Variants in RSPO2 observed in about 807,000 individuals in gnomAD.
RSPO2 encodes the protein R-spondin 2.
In RSPO2, 14 loss-of-function variants were observed where a neutral mutation model predicts 30.9. That is an observed-to-expected ratio of 0.45 (90% confidence interval 0.30 to 0.71). The LOEUF (loss-of-function observed/expected upper bound fraction) is 0.71, where lower values mean the gene tolerates loss of function less well. Ranked by LOEUF, RSPO2 falls within the 30% of genes least tolerant of loss-of-function variation. The pLI, the probability that RSPO2 is intolerant of heterozygous loss-of-function variation, is 0.08. For missense variants in RSPO2, 264 were observed against 301.9 expected (o/e 0.87, Z 0.93); for synonymous variants, 107 against 96.4 (o/e 1.11, Z -0.64).
rs369829893 is a variant in RSPO2, at chr8:108,015,516, CTG to C, written c.95-26274_95-26273del. On this transcript the variant is annotated intron_variant, in intron 2 of 5. Transcript: ENST00000276659. Reference sequence around the variant, plus strand: ...CCCTCTGCTCTGGACTAGGCCTCAACTGTGACCCCTGTCCTTGTTGGGCCTAC... The same window carrying C: ...CCCTCTGCTCTGGACTAGGCCTCAACTGACCCCTGTCCTTGTTGGGCCTAC... Among the ~76,000 whole-genome samples the C allele has an allele frequency of 7.9e-4, 120 of 152,282 alleles. 5 individuals are homozygous for C. The South Asian group carries it at 0.024, about 31-fold the overall frequency.
At chr8:107,954,972 G>A (rs2130423752) in intron 5 of RSPO2, among the ~76,000 whole-genome samples, 1 of 152,164 alleles carries the variant, frequency 6.6e-6, no homozygotes, top group Admixed American at 6.5e-5. Flanking sequence ...AAATCAGTCT[G>A]CTATATTGGT....
At chr8:107,915,708 T>C (rs1395754540) in intron 5 of RSPO2, among the ~76,000 whole-genome samples, 1 of 152,162 alleles carries the variant, frequency 6.6e-6, no homozygotes, top group African/African-American at 2.4e-5. Context: ...CGGTGAGCCC[T>C]GAAGAGAGTT....
At chr8:108,003,277 G>GTGTGTGTATATATATATA (rs1198114898) in intron 2 of RSPO2, among the ~76,000 whole-genome samples, 1 of 56,374 alleles carries the variant, frequency 1.8e-5, no homozygotes, top group Non-Finnish European at 3.4e-5. Flanking sequence ...GTGTGTGTGT[G>GTGTGTGTATATATATATA]TATATATATA....
At chr8:108,000,912 G>A (rs142793520) in intron 2 of RSPO2, among the ~76,000 whole-genome samples, 99 of 152,230 alleles carry the variant, frequency 6.5e-4, no homozygotes, top group African/African-American at 2.3e-3. Context: ...TGAGGCAGGA[G>A]AATGGCTTGA....
intron 5 of RSPO2, among the ~76,000 whole-genome samples, chr8:107,952,707 T>C (rs1813295206): frequency 6.6e-6 from 1 of 152,180 alleles, no homozygotes; most frequent in South Asian, 2.1e-4. Flanking sequence ...TGCTCTGGGG[T>C]TAATCTATCA....
chr8:107,904,168 C>T (rs576752584), intron 5 of RSPO2, among the ~76,000 whole-genome samples: 8 of 152,040 alleles, frequency 5.3e-5, no homozygotes, highest in South Asian at 4.1e-4. Flanking sequence ...TCTGTGGATG[C>T]GGGATTAGAC....
intron 5 of RSPO2, 28 bp downstream of exon 5, chr8:107,958,052 A>C: frequency 6.5e-7 from 1 of 1,549,970 alleles, no homozygotes; most frequent in African/African-American, 1.4e-5. Flanking sequence ...AGCACACAGC[A>C]CACAGTAGTG....
In RSPO2 at chr8:108,076,979, A is replaced by T. The variant is rs1200411439; in HGVS notation, c.94+5566T>A. Among the ~76,000 whole-genome samples, 6 of 152,116 alleles carry T rather than the reference A, an allele frequency of 3.9e-5. No homozygotes were observed. In the East Asian group the frequency reaches 1.2e-3, roughly 29 times the overall value. On this transcript the variant is annotated intron_variant, in intron 2 of 5. Transcript: ENST00000276659. The stretch of plus-strand genomic sequence containing the variant: ...CTAGCCAAAGGAAAGAGGTGATAAG[A>T]TATCACCATAGGAACAAGTCCCAGA...
At chr8:107,956,232 A>G (rs1025437971) in intron 5 of RSPO2, among the ~76,000 whole-genome samples, 4 of 152,232 alleles carry the variant, frequency 2.6e-5, no homozygotes, top group Non-Finnish European at 5.9e-5. Flanking sequence ...AAATAGTAAA[A>G]AATGATATAA....
At chr8:108,049,077 C>G (rs1586657527) in intron 2 of RSPO2, among the ~76,000 whole-genome samples, 1 of 151,850 alleles carries the variant, frequency 6.6e-6, no homozygotes, top group African/African-American at 2.4e-5. Context: ...CTGAGAAGTA[C>G]TTTACTTCTG....
chr8:107,953,858 T>G (rs1444722912), intron 5 of RSPO2, among the ~76,000 whole-genome samples: 1 of 152,154 alleles, frequency 6.6e-6, no homozygotes, highest in Non-Finnish European at 1.5e-5. Flanking sequence ...AAATGTAACT[T>G]CCTCAATTTT....
chr8:108,012,709 T>A (rs1046333939), intron 2 of RSPO2, among the ~76,000 whole-genome samples: 2 of 152,154 alleles, frequency 1.3e-5, no homozygotes, highest in Non-Finnish European at 2.9e-5. Context: ...ACCTATAGTA[T>A]GAGAAACTAC....
chr8:107,963,450 G>A (rs745846849), intron 3 of RSPO2, among the ~76,000 whole-genome samples: 6 of 126,560 alleles, frequency 4.7e-5, no homozygotes, highest in Non-Finnish European at 7.8e-5. Flanking sequence ...CTTGAGCCCA[G>A]AAAGTCAAGG....
At chr8:108,065,303 AAAAG>A (rs1475016213) in intron 2 of RSPO2, among the ~76,000 whole-genome samples, 5 of 151,698 alleles carry the variant, frequency 3.3e-5, no homozygotes, top group Non-Finnish European at 5.9e-5. Flanking sequence ...AAAAAAAAAA[AAAAG>A]AAGAGTACTA....
intron 2 of RSPO2, among the ~76,000 whole-genome samples, chr8:108,039,417 G>GA (rs549266574): frequency 3.3e-4 from 50 of 152,190 alleles, no homozygotes; most frequent in African/African-American, 1.2e-3. Context: ...TACAGGGGGT[G>GA]AAAATGAAGC....
chr8:107,929,830 TC>T (rs1812497011), intron 5 of RSPO2, among the ~76,000 whole-genome samples: 1 of 152,184 alleles, frequency 6.6e-6, no homozygotes, highest in African/African-American at 2.4e-5. Flanking sequence ...GCAAAGCAAT[TC>T]CGTCTGTATT....
Position 107,900,290 on chromosome 8 carries a change from A to AAAAC in RSPO2, c.*781_*784dup, listed in dbSNP as rs1194498792. The AAAAC allele has an allele frequency of 6.6e-6, 1 of 152,148 alleles. No homozygotes were observed. Among genetic ancestry groups the AAAAC allele is most frequent in the African/African-American group, 2.4e-5 (1 of 41,438 alleles). The allele number at this position is 152,148 out of a possible 1,614,324, so 9.4% of individuals were successfully genotyped here. The stretch of plus-strand genomic sequence containing the variant: ...CACTGGTCATTTGACTCTATATACA[A>AAAAC]AAACTAGTTTATCCTACCCTTACAA... On this transcript the variant is annotated 3_prime_UTR_variant, in exon 6 of 6. Coordinates refer to ENST00000276659, the MANE Select transcript of RSPO2 (RefSeq NM_178565.5).
chr8:107,974,765 T>C (rs989230504), intron 3 of RSPO2, among the ~76,000 whole-genome samples: 3 of 152,042 alleles, frequency 2.0e-5, no homozygotes, highest in Non-Finnish European at 4.4e-5. Flanking sequence ...CTCTTCCAGA[T>C]CTATGTATAT....
At chr8:107,905,479 C>G (rs1811608085) in intron 5 of RSPO2, among the ~76,000 whole-genome samples, 1 of 152,014 alleles carries the variant, frequency 6.6e-6, no homozygotes, top group Non-Finnish European at 1.5e-5. Context: ...ACTGTTGTAG[C>G]CACAACTGCG....
Sources: allele counts gnomAD v4.1 joint callset (sites outside exome capture counted in the v4.1 genomes callset), GRCh38; gene constraint gnomAD v4.1.1; transcripts MANE v1.5; gene names NCBI Gene and HGNC (gene_info 2026-07-23, HGNC 2026-07-21).